The following PDZD2 variants were observed in gnomAD, a reference collection of about 807,000 sequenced individuals.
PDZD2 encodes PDZ domain-containing protein 2.
Under a neutral mutation model 220.7 loss-of-function variants are expected in PDZD2, and 90 were observed. That is an observed-to-expected ratio of 0.41 (90% CI 0.34 to 0.49). The LOEUF is 0.49. PDZD2 is among the 20% of genes least tolerant of loss of function. PDZD2 has a pLI of 0.28. For missense variants in PDZD2, 3,174 were observed against 3,608.5 expected (o/e 0.88, Z 3.08); for synonymous variants, 1,375 against 1,450.5 (o/e 0.95, Z 1.18).
At chr5:31,882,703 A>G (rs888723211) in intron 2 of PDZD2, among the ~76,000 whole-genome samples, 1 of 152,162 alleles carries the variant, frequency 6.6e-6, no homozygotes, top group African/African-American at 2.4e-5. Context: ...GAAGTTATTT[A>G]GCAAATATTT....
chr5:31,873,806 C>T (rs1187124506), intron 2 of PDZD2, among the ~76,000 whole-genome samples: 2 of 151,242 alleles, frequency 1.3e-5, no homozygotes, highest in East Asian at 1.9e-4. Context: ...TCTCGGCTCA[C>T]GGCAACCTCC....
At chr5:31,935,113 A>C (rs1745611378) in intron 2 of PDZD2, among the ~76,000 whole-genome samples, 1 of 151,812 alleles carries the variant, frequency 6.6e-6, no homozygotes, top group Admixed American at 6.6e-5. Context: ...AAGAAAATAG[A>C]ATGGCTGCAA....
At chr5:32,092,509 T>C (rs182355523) in intron 20 of PDZD2, among the ~76,000 whole-genome samples, 1 of 152,058 alleles carries the variant, frequency 6.6e-6, no homozygotes, top group Non-Finnish European at 1.5e-5. Context: ...GAGGTAGAGG[T>C]TGCAGTGAGC....
rs912387535 is a variant in PDZD2 at position 31,752,597 on chromosome 5, C to A, written c.-360-46292C>A. Among the ~76,000 whole-genome samples, 16 of 151,578 alleles carry A rather than the reference C, an allele frequency of 1.1e-4. No individual in the cohort carries two copies. The East Asian group carries it at 1.4e-3, about 13-fold the overall frequency. On this transcript the variant is annotated intron_variant, in intron 1 of 24. Coordinates refer to ENST00000438447, the MANE Select transcript of PDZD2 (RefSeq NM_178140.4). ...AAAATAGGCGTTTTTTTTTCCCCCC[C>A]AGAGATGGAGTCTCCTTATGTTGCT...
At position 31,799,671 on chromosome 5, in the gene PDZD2, G is replaced by A. The variant is rs1444990857; in HGVS notation, c.423G>A (p.Glu141=). 5.0e-6 allele frequency: 8 copies of A among 1,613,986 alleles called. No homozygotes were observed. The highest frequency in any genetic ancestry group is 6.8e-6 in the Non-Finnish European group (8 of 1,180,014). Residue 141 remains glutamate, a synonymous_variant, in exon 2 of 25, where the codon GAG becomes GAA. Transcript: ENST00000438447. ...GKSGKVRLRD[E]ILSLNGQLMV... ...GTGGGAAGGTCCGACTGCGGGATGA[G>A]ATCCTCTCACTGAATGGGCAGCTGA...
chr5:31,983,504 G>A lies in PDZD2; in HGVS notation c.826G>A (p.Val276Met), dbSNP rs756306625. 2 of 1,614,216 alleles carry A rather than the reference G, an allele frequency of 1.2e-6. No individual in the cohort carries two copies. Among genetic ancestry groups the A allele is most frequent in the Non-Finnish European group, 1.7e-6 (2 of 1,180,052 alleles). Reference sequence around the variant, plus strand: ...AAATGGCCCAGATTCTCTCAAGGAGGTGGCTGGACCCCATCTAGAGAGGTC... The same window carrying A: ...AAATGGCCCAGATTCTCTCAAGGAGATGGCTGGACCCCATCTAGAGAGGTC... ...LENGPDSLKE[V>M]AGPHLERSEV... is the part of the protein sequence containing the mutation. Residue 276 changes from valine (V) to methionine (M), a missense_variant, in exon 3 of 25, where the codon GTG becomes ATG. Physicochemically the swap from Val to Met is conservative, Grantham distance 21. This residue lies in a region of PDZD2 where 632 missense variants were observed against 708.1 expected (regional missense o/e 0.89). Coordinates refer to ENST00000438447, the MANE Select transcript of PDZD2 (RefSeq NM_178140.4).
chr5:31,723,204 C>A (rs1748907724), intron 1 of PDZD2, among the ~76,000 whole-genome samples: 1 of 152,164 alleles, frequency 6.6e-6, no homozygotes, highest in African/African-American at 2.4e-5. Context: ...TTGTTTTGTT[C>A]TTTACAGGCG....
At chr5:31,848,683 A>C (rs1327372358) in intron 2 of PDZD2, among the ~76,000 whole-genome samples, 2 of 151,970 alleles carry the variant, frequency 1.3e-5, no homozygotes, top group Non-Finnish European at 2.9e-5. Context: ...CGGGAGGCAG[A>C]GGTTGCAGTG....
intron 6 of PDZD2, among the ~76,000 whole-genome samples, chr5:32,015,648 A>G (rs1310551311): frequency 6.6e-6 from 1 of 152,226 alleles, no homozygotes; most frequent in Non-Finnish European, 1.5e-5. Context: ...ATTATTGGCT[A>G]TTCAAAAAAG....
At chr5:31,886,635 A>AGTGACTGTTACAGGTCTGTTACC (rs1278197247) in intron 2 of PDZD2, among the ~76,000 whole-genome samples, 1 of 151,864 alleles carries the variant, frequency 6.6e-6, no homozygotes, top group African/African-American at 2.4e-5. Flanking sequence ...TGGAGGACCC[A>AGTGACTGTTACAGGTCTGTTACC]GTGACTGTTA....
chr5:32,029,262 G>A (rs1754936063), intron 6 of PDZD2, among the ~76,000 whole-genome samples: 1 of 136,784 alleles, frequency 7.3e-6, no homozygotes, highest in South Asian at 2.5e-4. Flanking sequence ...TCCCTAGACA[G>A]TTGTCCTAGG....
At chr5:31,872,884 A>G (rs1738953078) in intron 2 of PDZD2, among the ~76,000 whole-genome samples, 2 of 151,934 alleles carry the variant, frequency 1.3e-5, no homozygotes, top group Admixed American at 1.3e-4. Flanking sequence ...AACATATACA[A>G]AAAAACCTGC....
chr5:31,850,038 GTATA>G (rs556293068), intron 2 of PDZD2, among the ~76,000 whole-genome samples: 2 of 48,194 alleles, frequency 4.1e-5, no homozygotes, highest in South Asian at 4.6e-4. Context: ...ATATATACAC[GTATA>G]TATATATACG....
At chr5:31,952,344 C>T (rs1205081024) in intron 2 of PDZD2, among the ~76,000 whole-genome samples, 4 of 152,162 alleles carry the variant, frequency 2.6e-5, no homozygotes, top group Non-Finnish European at 5.9e-5. Flanking sequence ...CTCTGTATCC[C>T]TTTGATTTAT....
At chr5:31,922,860 G>A (rs934839678) in intron 2 of PDZD2, among the ~76,000 whole-genome samples, 13 of 152,136 alleles carry the variant, frequency 8.5e-5, no homozygotes, top group Non-Finnish European at 1.5e-4. Flanking sequence ...TGTATTTTTA[G>A]TTAGACATGG....
intron 1 of PDZD2, among the ~76,000 whole-genome samples, chr5:31,716,660 G>A (rs929871319): frequency 4.6e-5 from 7 of 152,226 alleles, no homozygotes; most frequent in South Asian, 2.1e-4. Flanking sequence ...AAAATTAGCC[G>A]GGTGTGGTGG....
intron 1 of PDZD2, among the ~76,000 whole-genome samples, chr5:31,703,614 C>T (rs1747690041): frequency 6.6e-6 from 1 of 152,116 alleles, no homozygotes; most frequent in Non-Finnish European, 1.5e-5. Context: ...ACGTTCTGCA[C>T]ATGTATCCCA....
At chr5:32,053,358 G>T (rs1416656285) in intron 9 of PDZD2, among the ~76,000 whole-genome samples, 1 of 152,178 alleles carries the variant, frequency 6.6e-6, no homozygotes, top group East Asian at 1.9e-4. Flanking sequence ...TATTCATTTT[G>T]ATATTATACA....
intron 2 of PDZD2, among the ~76,000 whole-genome samples, chr5:31,954,330 A>G (rs528184602): frequency 6.6e-6 from 1 of 152,314 alleles, no homozygotes; most frequent in Non-Finnish European, 1.5e-5. Flanking sequence ...AGAAGCTATT[A>G]TTATTTTTAA....
Sources: allele counts gnomAD v4.1 joint callset (sites outside exome capture counted in the v4.1 genomes callset), GRCh38; gene constraint gnomAD v4.1.1; regional missense constraint gnomAD v4.1.1; transcripts MANE v1.5; gene names NCBI Gene and HGNC (gene_info 2026-07-23, HGNC 2026-07-21).